RNF150: variants seen among roughly 807,000 people sequenced by gnomAD.
RNF150 encodes ring finger protein 150.
Under a neutral mutation model 39.3 loss-of-function variants are expected in RNF150, and 24 were observed. The observed-to-expected ratio is 0.61, with a 90% confidence interval of 0.44 to 0.86. RNF150 has a LOEUF of 0.86. Ranked by LOEUF, RNF150 falls within the 40% of genes least tolerant of loss-of-function variation. The probability of loss-of-function intolerance (pLI) is 0.00; values close to 1 mark genes in which losing one functional copy is unlikely to be tolerated. For missense variants in RNF150, 502 were observed against 587.8 expected (o/e 0.85, Z 1.51); for synonymous variants, 255 against 227.3 (o/e 1.12, Z -1.10).
chr4:140,933,709 G>A (rs1255290802), intron 4 of RNF150, among the ~76,000 whole-genome samples: 1 of 152,226 alleles, frequency 6.6e-6, no homozygotes, highest in East Asian at 1.9e-4. Context: ...AATAATGGAC[G>A]GGAGCCATGC....
chr4:140,975,389 A>T (rs909339994), intron 1 of RNF150, among the ~76,000 whole-genome samples: 1 of 152,212 alleles, frequency 6.6e-6, no homozygotes, highest in Non-Finnish European at 1.5e-5. Context: ...TTGTGCAGGT[A>T]TCTGCAGGTG....
intron 1 of RNF150, among the ~76,000 whole-genome samples, chr4:141,059,412 C>T (rs984306354): frequency 7.2e-5 from 11 of 152,138 alleles, no homozygotes; most frequent in African/African-American, 9.7e-5. Flanking sequence ...ATGGAATGTT[C>T]TCTTGCCTAT....
Position 141,011,977 on chromosome 4 carries a change from TGAGCTCCAA to T in RNF150, c.485-44113_485-44105del, listed in dbSNP as rs1273044903. Among the ~76,000 whole-genome samples, 5 of 152,396 alleles carry T rather than the reference TGAGCTCCAA, an allele frequency of 3.3e-5. 1 individual carries two copies. The highest frequency in any genetic ancestry group is 1.2e-4 in the African/African-American group (5 of 41,592). On this transcript the variant is annotated intron_variant, in intron 1 of 6. Coordinates refer to ENST00000515673, the MANE Select transcript of RNF150 (RefSeq NM_020724.2). ...ACAAAGAACACTCTTGATATTAAAC[TGAGCTCCAA>T]GACTTCATATTCTAAGTTTATAGCT...
At chr4:141,020,610 G>C (rs555376159) in intron 1 of RNF150, among the ~76,000 whole-genome samples, 3 of 152,154 alleles carry the variant, frequency 2.0e-5, no homozygotes, top group Non-Finnish European at 1.5e-5. Context: ...AAAGGCTATG[G>C]GCATCTTCAT....
intron 1 of RNF150, among the ~76,000 whole-genome samples, chr4:140,972,826 T>C (rs985686631): frequency 6.6e-6 from 1 of 152,152 alleles, no homozygotes; most frequent in Non-Finnish European, 1.5e-5. Flanking sequence ...TAAAAGGAAA[T>C]TTCTTTAATG....
chr4:141,118,262 C>A (rs565646216), intron 1 of RNF150, among the ~76,000 whole-genome samples: 1 of 152,204 alleles, frequency 6.6e-6, no homozygotes, highest in East Asian at 1.9e-4. Flanking sequence ...TAGGTCATAC[C>A]CACCTGCATT....
At chr4:141,093,284 T>C (rs556607829) in intron 1 of RNF150, among the ~76,000 whole-genome samples, 1 of 148,382 alleles carries the variant, frequency 6.7e-6, no homozygotes, top group South Asian at 2.1e-4. Flanking sequence ...GAGAATGGCG[T>C]GAACCTGGGA....
At chr4:140,947,852 C>G (rs1417944455) in intron 3 of RNF150, 116 bp from the exon 4 acceptor site, 1 of 612,288 alleles carries the variant, frequency 1.6e-6, no homozygotes, top group Non-Finnish European at 2.8e-6. Flanking sequence ...TGTGCTGGTG[C>G]CAGTTTTTAA....
intron 1 of RNF150, among the ~76,000 whole-genome samples, chr4:141,096,647 A>C (rs1738796067): frequency 6.6e-6 from 1 of 152,234 alleles, no homozygotes; most frequent in Admixed American, 6.5e-5. Flanking sequence ...TAAAGATATC[A>C]TACCTAATGA....
chr4:141,021,651 T>C (rs1235653032), intron 1 of RNF150, among the ~76,000 whole-genome samples: 1 of 152,186 alleles, frequency 6.6e-6, no homozygotes, highest in Non-Finnish European at 1.5e-5. Context: ...CTGACAAAAG[T>C]TACAGATAAT....
intron 1 of RNF150, among the ~76,000 whole-genome samples, chr4:140,970,623 C>CTCA (rs1289396056): frequency 4.0e-5 from 6 of 151,506 alleles, no homozygotes; most frequent in African/African-American, 1.5e-4. Flanking sequence ...GCTTTAAATA[C>CTCA]TCATCATCCA....
chr4:141,007,443 C>T (rs551276451), intron 1 of RNF150, among the ~76,000 whole-genome samples: 11 of 152,228 alleles, frequency 7.2e-5, no homozygotes, highest in East Asian at 5.8e-4. Flanking sequence ...ACAGGGTGAA[C>T]GGACTATGTA....
chr4:140,911,554 G>T (rs922442885), intron 5 of RNF150, among the ~76,000 whole-genome samples, 200 bp from the exon 6 acceptor site: 3 of 151,818 alleles, frequency 2.0e-5, no homozygotes, highest in African/African-American at 4.8e-5. Flanking sequence ...CTTTCCAAAG[G>T]TTCATTTTAG....
At chr4:141,035,529 T>A (rs7681368) in intron 1 of RNF150, among the ~76,000 whole-genome samples, 119,095 of 152,112 alleles carry the variant, frequency 0.78, 47,093 homozygotes, top group African/African-American at 0.81. Flanking sequence ...TGGTAAACTA[T>A]ATCTAAATCC....
At chr4:141,009,937 T>A (rs1026710681) in intron 1 of RNF150, among the ~76,000 whole-genome samples, 1 of 152,196 alleles carries the variant, frequency 6.6e-6, no homozygotes, top group Non-Finnish European at 1.5e-5. Context: ...GTGCAATAGA[T>A]GTTGGTTGCA....
At chr4:141,104,783 G>A (rs1210171676) in intron 1 of RNF150, among the ~76,000 whole-genome samples, 1 of 152,206 alleles carries the variant, frequency 6.6e-6, no homozygotes, top group Non-Finnish European at 1.5e-5. Context: ...AGATTCTAAA[G>A]TACACCAGTT....
At chr4:141,047,055 C>G (rs1213306201) in intron 1 of RNF150, among the ~76,000 whole-genome samples, 1 of 152,084 alleles carries the variant, frequency 6.6e-6, no homozygotes, top group African/African-American at 2.4e-5. Context: ...AGATCAGAAG[C>G]CAGGTACCCC....
At chr4:141,167,942 T>C (rs1039738584) in intron 1 of RNF150, among the ~76,000 whole-genome samples, 4 of 152,086 alleles carry the variant, frequency 2.6e-5, no homozygotes, top group Non-Finnish European at 1.5e-5. Context: ...AATTGACAAA[T>C]GGGATCTAAT....
intron 6 of RNF150, among the ~76,000 whole-genome samples, chr4:140,903,610 C>A (rs1204645552): frequency 1.3e-5 from 2 of 152,186 alleles, no homozygotes; most frequent in East Asian, 3.8e-4. Context: ...GTCTGCCCCC[C>A]AGCCCTTTGC....
Sources: allele counts gnomAD v4.1 joint callset (sites outside exome capture counted in the v4.1 genomes callset), GRCh38; gene constraint gnomAD v4.1.1; transcripts MANE v1.5; gene names NCBI Gene and HGNC (gene_info 2026-07-23, HGNC 2026-07-21).